The following DCTN6 variants were observed in gnomAD, a reference collection of about 807,000 sequenced individuals.
DCTN6 encodes the protein dynactin subunit 6.
A neutral mutation model predicts 25.8 loss-of-function variants in DCTN6; 15 were observed. The ratio of observed to expected loss-of-function variants is 0.58; its 90% CI spans 0.39 to 0.89. The LOEUF is 0.89. Ranked by LOEUF, DCTN6 falls within the 40% of genes least tolerant of loss-of-function variation. The pLI, the probability that DCTN6 is intolerant of heterozygous loss-of-function variation, is 0.00. For missense variants in DCTN6, 198 were observed against 237.6 expected (o/e 0.83, Z 1.09); for synonymous variants, 64 against 78.3 (o/e 0.82, Z 0.96).
chr8:30,170,573 C>A (rs1024577223), intron 2 of DCTN6, among the ~76,000 whole-genome samples: 2 of 152,040 alleles, frequency 1.3e-5, no homozygotes, highest in Non-Finnish European at 2.9e-5. Flanking sequence ...AAATAAAATA[C>A]CTGCTTAAAA....
intron 5 of DCTN6, among the ~76,000 whole-genome samples, chr8:30,180,218 CTT>C (rs1161925600): frequency 6.6e-6 from 1 of 152,150 alleles, no homozygotes; most frequent in Non-Finnish European, 1.5e-5. Flanking sequence ...AGAGTGGCCT[CTT>C]TGTTTTATAG....
chr8:30,183,274 T>C lies in DCTN6; in HGVS notation c.*101T>C. The C allele has an allele frequency of 2.3e-6, 2 of 860,870 alleles. No homozygotes were observed. The highest frequency in any genetic ancestry group is 3.5e-6 in the Non-Finnish European group (2 of 570,584). The allele number at this position is 860,870 out of a possible 1,614,324, so 53.3% of individuals were successfully genotyped here. On this transcript the variant is annotated 3_prime_UTR_variant, in exon 7 of 7. Coordinates refer to ENST00000221114, the MANE Select transcript of DCTN6 (RefSeq NM_006571.4). ...TCTTAACAACTCACAGAATAATACA[T>C]GTTCACTTTATTTTGTAAAATTGGG...
chr8:30,166,656 G>C (rs377257114), intron 2 of DCTN6, among the ~76,000 whole-genome samples: 15 of 152,242 alleles, frequency 9.9e-5, no homozygotes, highest in African/African-American at 3.6e-4. Context: ...CCAGTGATTG[G>C]TGGACCACTG....
At position 30,183,109 on chromosome 8, in the gene DCTN6, T is replaced by C; in HGVS notation, c.509T>C (p.Ile170Thr). The C allele has an allele frequency of 6.2e-7, 1 of 1,614,070 alleles. No individual in the cohort carries two copies. Among genetic ancestry groups the C allele is most frequent in the Non-Finnish European group, 8.5e-7 (1 of 1,179,984 alleles). Residue 170 changes from isoleucine to threonine, a missense_variant, in exon 7 of 7, where the codon ATC becomes ACC. Ile to Thr is a moderately conservative substitution (Grantham distance 89). Coordinates refer to ENST00000221114, the MANE Select transcript of DCTN6 (RefSeq NM_006571.4). ...QTLQLDFLMK[I>T]LPNYHHLKKT... ...CTACAGCTGGATTTCTTGATGAAAA[T>C]CTTGCCAAATTACCACCACCTAAAG... is the stretch of plus-strand genomic sequence containing the variant.
chr8:30,171,281 G>T (rs1424136453), intron 2 of DCTN6, among the ~76,000 whole-genome samples: 1 of 151,446 alleles, frequency 6.6e-6, no homozygotes. Flanking sequence ...ACAGTGTCTT[G>T]CTCTGTTGCC....
chr8:30,171,533 C>T (rs537252640), intron 2 of DCTN6, among the ~76,000 whole-genome samples: 1 of 152,284 alleles, frequency 6.6e-6, no homozygotes, highest in South Asian at 2.1e-4. Flanking sequence ...GCTGAGATTA[C>T]AGGTGTGAGC....
rs1181138354 is a variant in DCTN6, at chr8:30,180,539, G to T, written c.383G>T (p.Cys128Phe). The T allele has an allele frequency of 6.2e-7, 1 of 1,614,060 alleles. No homozygotes were observed. Among genetic ancestry groups the T allele is most frequent in the Non-Finnish European group, 8.5e-7 (1 of 1,179,984 alleles). Residue 128 changes from cysteine to phenylalanine, a missense_variant, in exon 6 of 7, where the codon TGT (cysteine) becomes TTT (phenylalanine). Coordinates refer to ENST00000221114, the MANE Select transcript of DCTN6 (RefSeq NM_006571.4). Reference sequence around the variant, plus strand: ...ACAAGTGGCTGCATCATTGGGGCTTGTTGCAACCTAAATACATTTGAAGTC... The same window carrying T: ...ACAAGTGGCTGCATCATTGGGGCTTTTTGCAACCTAAATACATTTGAAGTC... The part of the protein sequence containing the change: ...ILTSGCIIGA[C>F]CNLNTFEVIP...
intron 6 of DCTN6, among the ~76,000 whole-genome samples, chr8:30,182,230 A>T (rs556138659): frequency 3.9e-4 from 60 of 152,330 alleles, no homozygotes; most frequent in African/African-American, 1.3e-3. Flanking sequence ...TTTATTCAAA[A>T]TAAAGATTCC....
intron 2 of DCTN6, among the ~76,000 whole-genome samples, chr8:30,169,767 T>C (rs1803737710): frequency 1.3e-5 from 2 of 152,222 alleles, no homozygotes; most frequent in African/African-American, 2.4e-5. Context: ...CTGTTTCTTA[T>C]GGTGCTTGAG....
intron 6 of DCTN6, 98 bp from the exon 7 acceptor site, chr8:30,182,977 G>A: frequency 1.1e-6 from 1 of 926,072 alleles, no homozygotes; most frequent in Non-Finnish European, 1.7e-6. Flanking sequence ...GCCTCCCAAA[G>A]TGCTGAGATT....
intron 3 of DCTN6, among the ~76,000 whole-genome samples, chr8:30,175,520 C>G (rs780217755): frequency 3.3e-5 from 5 of 151,370 alleles, no homozygotes; most frequent in Non-Finnish European, 4.4e-5. Flanking sequence ...GCCCACCACC[C>G]TGCAGAGTTT....
At chr8:30,175,024 C>G in intron 2 of DCTN6, 61 bp from the exon 3 acceptor site, 1 of 1,523,094 alleles carries the variant, frequency 6.6e-7, no homozygotes, top group South Asian at 1.2e-5. Flanking sequence ...CAGTCACCTT[C>G]CACCCTTCTG....
chr8:30,160,582 A>G (rs1191789783), intron 1 of DCTN6, among the ~76,000 whole-genome samples: 5 of 152,206 alleles, frequency 3.3e-5, no homozygotes, highest in Non-Finnish European at 5.9e-5. Context: ...CTTTATATCC[A>G]TGGGTTCCAC....
intron 2 of DCTN6, among the ~76,000 whole-genome samples, chr8:30,170,063 C>T (rs918390375): frequency 6.6e-6 from 1 of 152,002 alleles, no homozygotes; most frequent in Non-Finnish European, 1.5e-5. Context: ...GTCCCAGCTA[C>T]TCGGGAGGCT....
Position 30,180,552 on chromosome 8 carries a change from T to C in DCTN6, c.396T>C (p.Asn132=), listed in dbSNP as rs1803897724. 1.9e-6 allele frequency: 3 copies of C among 1,613,988 alleles called. No homozygotes were observed. The highest frequency in any genetic ancestry group is 2.5e-6 in the Non-Finnish European group (3 of 1,180,008). ...TCATTGGGGCTTGTTGCAACCTAAA[T>C]ACATTTGAAGTCATCCCTGAGAATA... ...GCIIGACCNL[N]TFEVIPENTV... Residue 132 remains asparagine, a synonymous_variant, in exon 6 of 7, where the codon AAT becomes AAC. Transcript: ENST00000221114.
intron 1 of DCTN6, 97 bp from the exon 2 acceptor site, chr8:30,164,014 A>G: frequency 8.4e-7 from 1 of 1,183,440 alleles, no homozygotes; most frequent in Non-Finnish European, 1.2e-6. Context: ...TTTTTCCATC[A>G]TTTTTTAAAC....
chr8:30,157,472 T>C (rs985095870), intron 1 of DCTN6, among the ~76,000 whole-genome samples: 1 of 152,236 alleles, frequency 6.6e-6, no homozygotes, highest in Non-Finnish European at 1.5e-5. Flanking sequence ...TCCGTTTGGA[T>C]TGGTAGCTCT....
Position 30,161,138 on chromosome 8 carries a change from G to A in DCTN6, c.24-2973G>A, listed in dbSNP as rs116168567. 7.3e-4 allele frequency among the ~76,000 whole-genome samples: 111 copies of A among 152,170 alleles called. 1 individual carries two copies. Among genetic ancestry groups the A allele is most frequent in the African/African-American group, 2.6e-3 (109 of 41,502 alleles). On this transcript the variant is annotated intron_variant, in intron 1 of 6. Coordinates refer to ENST00000221114, the MANE Select transcript of DCTN6 (RefSeq NM_006571.4). ...CCATGCTGTTCTTGTGAAACCTGATGGTTTTATAAATGGTAGTTTTTCCTG... is the reference window on the plus strand; with the variant it reads ...CCATGCTGTTCTTGTGAAACCTGATAGTTTTATAAATGGTAGTTTTTCCTG...
chr8:30,169,040 G>A (rs1803725118), intron 2 of DCTN6, among the ~76,000 whole-genome samples: 1 of 152,220 alleles, frequency 6.6e-6, no homozygotes, highest in Non-Finnish European at 1.5e-5. Context: ...GACAGAACTT[G>A]GTCAGGACAT....
Sources: gnomAD v4.1 joint callset for allele counts (sites outside exome capture counted in the v4.1 genomes callset) on GRCh38, gnomAD v4.1.1 for gene constraint, MANE v1.5 for transcripts, NCBI Gene and HGNC (gene_info 2026-07-23, HGNC 2026-07-21) for gene names.